Variants in ANAPC7 observed in about 807,000 individuals in gnomAD.
The protein encoded by ANAPC7 is anaphase promoting complex subunit 7.
A neutral mutation model predicts 63.3 loss-of-function variants in ANAPC7; 25 were observed. The ratio of observed to expected loss-of-function variants is 0.39; its 90% CI spans 0.29 to 0.55. The LOEUF is 0.55. ANAPC7 is among the 20% of genes least tolerant of loss of function. The pLI, the probability that ANAPC7 is intolerant of heterozygous loss-of-function variation, is 0.57. For missense variants in ANAPC7, 516 were observed against 691.7 expected (o/e 0.75, Z 2.85); for synonymous variants, 241 against 251.7 (o/e 0.96, Z 0.40).
intron 6 of ANAPC7, among the ~76,000 whole-genome samples, chr12:110,385,602 G>A (rs1484491044): frequency 7.2e-5 from 11 of 152,198 alleles, no homozygotes; most frequent in Non-Finnish European, 1.6e-4. Flanking sequence ...GGGAGATCTT[G>A]TGCAAACAAA....
intron 8 of ANAPC7, among the ~76,000 whole-genome samples, chr12:110,381,075 A>T (rs1011716832): frequency 4.0e-5 from 6 of 151,604 alleles, no homozygotes; most frequent in Non-Finnish European, 8.8e-5. Context: ...AAAAAACCCC[A>T]TCCCAACTAT....
intron 8 of ANAPC7, among the ~76,000 whole-genome samples, chr12:110,379,432 G>A (rs1881611170): frequency 1.3e-5 from 2 of 152,226 alleles, no homozygotes; most frequent in Admixed American, 1.3e-4. Flanking sequence ...AACATCCGCT[G>A]TCCAAATATT....
intron 3 of ANAPC7, among the ~76,000 whole-genome samples, chr12:110,389,598 A>G (rs1882926320): frequency 6.6e-6 from 1 of 152,216 alleles, no homozygotes; most frequent in Non-Finnish European, 1.5e-5. Context: ...AAGCTAAATT[A>G]AAATAATCCT....
At chr12:110,400,334 G>A (rs1319311004) in intron 1 of ANAPC7, among the ~76,000 whole-genome samples, 1 of 152,212 alleles carries the variant, frequency 6.6e-6, no homozygotes, top group African/African-American at 2.4e-5. Context: ...GAAAGGAAAT[G>A]TTGGGGTGAG....
chr12:110,378,465 A>T (rs920820442), intron 8 of ANAPC7: 2 of 152,224 alleles, frequency 1.3e-5, no homozygotes, highest in African/African-American at 2.4e-5. Context: ...ACTTAGGGAG[A>T]AAGACTCTTT....
intron 6 of ANAPC7, 81 bp from the exon 7 acceptor site, chr12:110,383,041 C>G: frequency 9.5e-7 from 1 of 1,052,502 alleles, no homozygotes; most frequent in Non-Finnish European, 1.4e-6. Flanking sequence ...CACCCAACAT[C>G]AGACCCCATG....
intron 8 of ANAPC7, among the ~76,000 whole-genome samples, chr12:110,379,777 T>TA (rs1010771153): frequency 3.9e-5 from 6 of 152,238 alleles, no homozygotes; most frequent in Non-Finnish European, 8.8e-5. Flanking sequence ...TAAATGCTTA[T>TA]AAAAATATGT....
Position 110,388,629 on chromosome 12 carries a change from C to T in ANAPC7, c.409-6G>A. On this transcript the variant is annotated splice_polypyrimidine_tract_variant and splice_region_variant and intron_variant, in intron 3 of 10. Coordinates refer to ENST00000455511, the MANE Select transcript of ANAPC7 (RefSeq NM_016238.3). The stretch of plus-strand genomic sequence containing the variant: ...TTTGCCAGCATCATGTTTATCTGTA[C>T]AAACACAAATAACAGATAGCAAAAT... The T allele has an allele frequency of 6.2e-7, 1 of 1,600,636 alleles. No homozygotes were observed. The highest frequency in any genetic ancestry group is 8.6e-7 in the Non-Finnish European group (1 of 1,169,396).
Position 110,387,445 on chromosome 12 carries a change from C to CA in ANAPC7, c.674+293dup, listed in dbSNP as rs372266566. 367 of 65,942 alleles carry CA rather than the reference C, an allele frequency of 5.6e-3. 20 individuals carry two copies. The highest frequency in any genetic ancestry group is 0.013 in the African/African-American group (161 of 12,104). The allele number at this position is 65,942 out of a possible 1,614,324, so 4.1% of individuals were successfully genotyped here. ...AGAGAGAGAGAGACCGACCTTGTCT[C>CA]AAAAAAAAAAAAAAAAATGACACAC... is the stretch of plus-strand genomic sequence containing the variant. On this transcript the variant is annotated intron_variant, in intron 5 of 10. Coordinates refer to ENST00000455511, the MANE Select transcript of ANAPC7 (RefSeq NM_016238.3).
At chr12:110,382,441 T>TAAAA (rs137996217) in intron 7 of ANAPC7, among the ~76,000 whole-genome samples, 48 of 53,064 alleles carry the variant, frequency 9.0e-4, no homozygotes, top group Non-Finnish European at 1.3e-3. Context: ...ATTATCCTTT[T>TAAAA]AAAAAAAAAA....
chr12:110,402,581 G>A (rs1338820263), intron 1 of ANAPC7, among the ~76,000 whole-genome samples: 1 of 152,030 alleles, frequency 6.6e-6, no homozygotes, highest in East Asian at 1.9e-4. Context: ...TGATCCGCCC[G>A]CCTCGGCCTC....
chr12:110,395,141 G>A lies in ANAPC7; in HGVS notation c.368C>T (p.Ala123Val), dbSNP rs780237576. 11 of 1,613,722 alleles carry A rather than the reference G, an allele frequency of 6.8e-6. No individual in the cohort carries two copies. Among genetic ancestry groups the A allele is most frequent in the Admixed American group, 5.0e-5 (3 of 59,938 alleles). ...TMLKQDKDAI[A>V]ILDGIPSRQR... ...TCTTGAAGGGATCCCATCAAGTATA[G>A]CAATGGCATCTTTATCTTGTTTTAG... Residue 123 changes from alanine (A) to valine (V), a missense_variant, in exon 3 of 11, where the codon GCT becomes GTT. Transcript: ENST00000455511.
At chr12:110,387,247 C>CAGAGAGAGAGAGAG (rs1882553934) in intron 5 of ANAPC7, 15 of 33,256 alleles carry the variant, frequency 4.5e-4, no homozygotes, top group Middle Eastern at 0.017. Flanking sequence ...GACAGAGAGA[C>CAGAGAGAGAGAGAG]AGAGAGACAG....
chr12:110,378,472 CTT>C (rs920158492), intron 8 of ANAPC7: 8 of 152,326 alleles, frequency 5.3e-5, no homozygotes, highest in African/African-American at 1.9e-4. Context: ...GAGAAAGACT[CTT>C]TTATTTGAAA....
At chr12:110,396,854 T>C (rs28480627) in intron 1 of ANAPC7, among the ~76,000 whole-genome samples, 22,438 of 151,434 alleles carry the variant, frequency 0.15, 2,334 homozygotes, top group African/African-American at 0.3. Flanking sequence ...TCTATCCATA[T>C]TCTCATATTA....
At chr12:110,389,999 T>C (rs575085383) in intron 3 of ANAPC7, among the ~76,000 whole-genome samples, 1 of 152,112 alleles carries the variant, frequency 6.6e-6, no homozygotes, top group African/African-American at 2.4e-5. Flanking sequence ...CCTAAGAATG[T>C]AGAAGTTATA....
intron 10 of ANAPC7, 22 bp from the exon 11 acceptor site, chr12:110,374,355 G>A: frequency 6.2e-7 from 1 of 1,609,618 alleles, no homozygotes; most frequent in Non-Finnish European, 8.5e-7. Context: ...CAAAACAAAG[G>A]AGAGGCCTGA....
intron 1 of ANAPC7, among the ~76,000 whole-genome samples, chr12:110,400,610 C>T (rs1235000313): frequency 6.6e-6 from 1 of 152,144 alleles, no homozygotes; most frequent in Non-Finnish European, 1.5e-5. Flanking sequence ...AATCTCCAAA[C>T]GTGGAAACTG....
chr12:110,401,451 C>G (rs1372058136), intron 1 of ANAPC7, among the ~76,000 whole-genome samples: 1 of 151,966 alleles, frequency 6.6e-6, no homozygotes, highest in Non-Finnish European at 1.5e-5. Flanking sequence ...TGGGAGTACC[C>G]GAGAGTCCTG....
Sources: gnomAD v4.1 joint callset for allele counts (sites outside exome capture counted in the v4.1 genomes callset) on GRCh38, gnomAD v4.1.1 for gene constraint, MANE v1.5 for transcripts, NCBI Gene and HGNC (gene_info 2026-07-23, HGNC 2026-07-21) for gene names.